AXL: variants seen among roughly 807,000 people sequenced by gnomAD.
AXL encodes tyrosine-protein kinase receptor UFO.
Under a neutral mutation model 104.5 loss-of-function variants are expected in AXL, and 52 were observed. The observed-to-expected ratio is 0.50, with a 90% CI of 0.40 to 0.63. AXL has a LOEUF of 0.63. AXL is among the 20% of genes least tolerant of loss of function. AXL has a pLI of 0.00. For synonymous variants in AXL, 455 were observed against 473.7 expected, an observed-to-expected ratio of 0.96 and a Z score of 0.51; for missense variants, 1,024 against 1,188.5, an observed-to-expected ratio of 0.86 and a Z score of 2.04.
chr19:41,244,076 C>T (rs1289883911), intron 12 of AXL, among the ~76,000 whole-genome samples: 1 of 151,764 alleles, frequency 6.6e-6, no homozygotes, highest in Non-Finnish European at 1.5e-5. Context: ...TGGTGGTGTG[C>T]CCCTGTACTC....
chr19:41,228,411 G>T (rs1433137525), intron 4 of AXL, among the ~76,000 whole-genome samples: 1 of 151,992 alleles, frequency 6.6e-6, no homozygotes, highest in African/African-American at 2.4e-5. Flanking sequence ...AAAATTAGCC[G>T]GGCATGGTGG....
rs1480822751 is a variant in AXL at position 41,253,697 on chromosome 19, C to G, written c.2025C>G (p.Ala675=). ...TKRFIHRDLA[A]RNCMLNENMS... is the part of the protein sequence containing the mutation. ...GATTCATACACCGGGACCTGGCGGC[C>G]AGGAACTGCATGTGAGTGCCTTTCA... The change falls in exon 17 of 20, where the codon GCC becomes GCG. Residue 675 remains alanine (A), a synonymous_variant. Coordinates refer to ENST00000301178, the MANE Select transcript of AXL (RefSeq NM_021913.5). The G allele has an allele frequency of 6.2e-6, 10 of 1,611,944 alleles. No individual in the cohort carries two copies. Among genetic ancestry groups the G allele is most frequent in the Non-Finnish European group, 8.5e-6 (10 of 1,179,222 alleles).
chr19:41,221,784 G>T, intron 3 of AXL, 96 bp from the exon 4 acceptor site: 1 of 1,349,776 alleles, frequency 7.4e-7, no homozygotes, highest in Admixed American at 2.5e-5. Context: ...CCTGCAGGGT[G>T]GGTTTGCTGC....
At chr19:41,232,947 C>A (rs1273721234) in intron 6 of AXL, among the ~76,000 whole-genome samples, 1 of 152,026 alleles carries the variant, frequency 6.6e-6, no homozygotes, top group Non-Finnish European at 1.5e-5. Context: ...CACATCAAAC[C>A]CATGTCATGC....
intron 6 of AXL, 115 bp from the exon 7 acceptor site, chr19:41,237,829 C>G (rs1414073463): frequency 1.0e-6 from 1 of 957,806 alleles, no homozygotes; most frequent in African/African-American, 1.6e-5. Flanking sequence ...CACTGCAACA[C>G]ACACGCACCC....
intron 17 of AXL, among the ~76,000 whole-genome samples, chr19:41,254,589 G>C (rs1307543959): frequency 6.6e-6 from 1 of 151,884 alleles, no homozygotes; most frequent in Non-Finnish European, 1.5e-5. Flanking sequence ...GGTAAGGGGA[G>C]GGTAGAAGGT....
Position 41,259,615 on chromosome 19 carries a change from T to C in AXL, c.2396T>C (p.Leu799Pro). The C allele has an allele frequency of 1.9e-6, 3 of 1,613,866 alleles. No individual in the cohort carries two copies. The highest frequency in any genetic ancestry group is 2.2e-5 in the South Asian group (2 of 91,058). Residue 799 changes from leucine (L) to proline (P), a missense_variant, in exon 20 of 20, where the codon CTG becomes CCG. By Grantham distance (98) the Leu-to-Pro change is moderately conservative. This residue lies in a region of AXL where 523 missense variants were observed against 636.0 expected (regional missense o/e 0.82). Coordinates refer to ENST00000301178, the MANE Select transcript of AXL (RefSeq NM_021913.5). ...NPQDRPSFTE[L>P]REDLENTLKA... Reference sequence around the variant, plus strand: ...CAGGACCGGCCAAGTTTTACAGAGCTGCGGGAAGATTTGGAGAACACACTG... The same window carrying C: ...CAGGACCGGCCAAGTTTTACAGAGCCGCGGGAAGATTTGGAGAACACACTG...
In AXL at chr19:41,248,967, T is replaced by G. The variant is rs1209085002; in HGVS notation, c.1711+147T>G. 6.2e-6 allele frequency: 5 copies of G among 812,610 alleles called. No homozygotes were observed. The East Asian group carries it at 1.4e-4, about 22-fold the overall frequency. 50.3% of individuals were successfully genotyped at this position (812,610 alleles called of 1,614,324 possible). A position where few individuals can be genotyped will look rare whatever the true frequency, so the allele number is the denominator to read the frequency against. ...CTGCCAGGTACCTCAATAGAAGGAA[T>G]TGAATATGGGGAGATTAGTACAAAG... On this transcript the variant is annotated intron_variant, in intron 14 of 19. Coordinates refer to ENST00000301178, the MANE Select transcript of AXL (RefSeq NM_021913.5).
At chr19:41,239,862 T>C in intron 10 of AXL, 142 bp downstream of exon 10, 1 of 1,225,436 alleles carries the variant, frequency 8.2e-7, no homozygotes, top group Middle Eastern at 1.9e-4. Flanking sequence ...TGTGTGGTCC[T>C]TGATGGAGGT....
chr19:41,255,986 C>T (rs1285642834), intron 17 of AXL, among the ~76,000 whole-genome samples: 3 of 152,182 alleles, frequency 2.0e-5, no homozygotes, highest in Non-Finnish European at 2.9e-5. Flanking sequence ...CTCAAGTGAT[C>T]CACCTGCCTT....
chr19:41,255,214 G>A (rs1435451117), intron 17 of AXL, among the ~76,000 whole-genome samples: 1 of 152,196 alleles, frequency 6.6e-6, no homozygotes, highest in East Asian at 1.9e-4. Flanking sequence ...AGATGGATCT[G>A]TGTAGGGGTA....
At position 41,256,308 on chromosome 19, in the gene AXL, C is replaced by T. The variant is rs2034451458; in HGVS notation, c.2037-144C>T. ...AGAAGTAAAGCAGTTCCCTTCTGGA[C>T]TGGGATGAAGGTTTAGGAGACAGAT... On this transcript the variant is annotated intron_variant, in intron 17 of 19. Coordinates refer to ENST00000301178, the MANE Select transcript of AXL (RefSeq NM_021913.5). 4.2e-6 allele frequency: 4 copies of T among 947,022 alleles called. 1 individual carries two copies. The highest frequency in any genetic ancestry group is 6.5e-6 in the Non-Finnish European group (4 of 615,898). 58.7% of individuals were successfully genotyped at this position (947,022 alleles called of 1,614,324 possible). A position where few individuals can be genotyped will look rare whatever the true frequency, so the allele number is the denominator to read the frequency against.
chr19:41,237,418 A>G (rs924938189), intron 6 of AXL, among the ~76,000 whole-genome samples: 2 of 151,986 alleles, frequency 1.3e-5, no homozygotes, highest in Admixed American at 1.3e-4. Flanking sequence ...AATTTTTTAC[A>G]TTTTTGGAAG....
intron 4 of AXL, among the ~76,000 whole-genome samples, chr19:41,229,861 T>G (rs903822029): frequency 2.0e-5 from 3 of 152,088 alleles, no homozygotes; most frequent in African/African-American, 7.2e-5. Flanking sequence ...TGGGCCAGTT[T>G]CCCTAAGTGT....
chr19:41,243,283 G>T (rs563314296), intron 11 of AXL, among the ~76,000 whole-genome samples: 6 of 152,226 alleles, frequency 3.9e-5, no homozygotes, highest in Non-Finnish European at 8.8e-5. Flanking sequence ...AGCGGGAAGT[G>T]TAGGCACACG....
intron 1 of AXL, among the ~76,000 whole-genome samples, chr19:41,220,011 G>C (rs2033758175): frequency 6.6e-6 from 1 of 151,790 alleles, no homozygotes; most frequent in Non-Finnish European, 1.5e-5. Flanking sequence ...CTATCTCTGT[G>C]GGTCTCTGTT....
chr19:41,221,391 A>G (rs2033788597), intron 3 of AXL, 145 bp downstream of exon 3: 1 of 686,126 alleles, frequency 1.5e-6, no homozygotes, highest in Non-Finnish European at 2.4e-6. Flanking sequence ...TAAGAATGTC[A>G]GAGTTTTGGG....
In AXL at chr19:41,248,511, C is replaced by T. The variant is rs2122263900; in HGVS notation, c.1538-3C>T. ...ACTCTGTCCACCCCAACCTTGCATGCAGTGAACAGCCTGGGCATCAGTGAA... is the reference window on the plus strand; with the variant it reads ...ACTCTGTCCACCCCAACCTTGCATGTAGTGAACAGCCTGGGCATCAGTGAA... On this transcript the variant is annotated splice_polypyrimidine_tract_variant and splice_region_variant and intron_variant, in intron 12 of 19. Transcript: ENST00000301178. 1 of 1,614,122 alleles carries T rather than the reference C, an allele frequency of 6.2e-7. No homozygotes were observed. Among genetic ancestry groups the T allele is most frequent in the South Asian group, 1.1e-5 (1 of 91,086 alleles).
At chr19:41,247,244 T>G (rs1162492719) in intron 12 of AXL, among the ~76,000 whole-genome samples, 1 of 152,228 alleles carries the variant, frequency 6.6e-6, no homozygotes. Context: ...CCAGGCGTGG[T>G]GGCTCACGCT....
Sources: gnomAD v4.1 joint callset for allele counts (sites outside exome capture counted in the v4.1 genomes callset) on GRCh38, gnomAD v4.1.1 for gene constraint, gnomAD v4.1.1 regional missense constraint, MANE v1.5 for transcripts, NCBI Gene and HGNC (gene_info 2026-07-23, HGNC 2026-07-21) for gene names.